Variants in GADL1 observed in about 807,000 individuals in gnomAD.
GADL1 encodes GAD like acidic amino acid decarboxylase 1, also known as acidic amino acid decarboxylase GADL1.
Under a neutral mutation model 69.5 loss-of-function variants are expected in GADL1, and 71 were observed. That is an observed-to-expected ratio of 1.02 (90% CI 0.84 to 1.25). GADL1 has a LOEUF of 1.25. Ranked by LOEUF, GADL1 falls within the 50% of genes most tolerant of loss-of-function variation. The pLI is 0.00. For missense variants in GADL1, 737 were observed against 631.8 expected, an observed-to-expected ratio of 1.17 and a Z score of -1.79; for synonymous variants, 254 against 214.4, an observed-to-expected ratio of 1.18 and a Z score of -1.62.
chr3:30,893,684 G>A (rs1413675952), intron 1 of GADL1, among the ~76,000 whole-genome samples: 1 of 151,970 alleles, frequency 6.6e-6, no homozygotes, highest in Admixed American at 6.6e-5. Flanking sequence ...CTCTCCCTGG[G>A]ACATTAAAAG....
At chr3:30,863,278 T>G (rs1445725641) in intron 1 of GADL1, among the ~76,000 whole-genome samples, 1 of 151,796 alleles carries the variant, frequency 6.6e-6, no homozygotes, top group African/African-American at 2.4e-5. Context: ...ACATAGAGAG[T>G]GATAGAGGAA....
intron 2 of GADL1, 144 bp from the exon 3 acceptor site, chr3:30,857,285 T>A: frequency 1.5e-6 from 1 of 681,500 alleles, no homozygotes; most frequent in Non-Finnish European, 2.5e-6. Context: ...AAAAGAACTA[T>A]TACAGTAATG....
At position 30,878,303 on chromosome 3, in the gene GADL1, G is replaced by A. The variant is rs151003963; in HGVS notation, c.37+16275C>T. Among the ~76,000 whole-genome samples the A allele has an allele frequency of 5.3e-5, 8 of 151,908 alleles. No individual in the cohort carries two copies. The East Asian group carries it at 1.6e-3, about 30-fold the overall frequency. On this transcript the variant is annotated intron_variant, in intron 1 of 14. Coordinates refer to ENST00000282538, the MANE Select transcript of GADL1 (RefSeq NM_207359.3). ...TCACATTCTACCATTTCTAAAAGTGGTCCTTATTAGTGCTCTTCAGAACCA... is the reference window on the plus strand; with the variant it reads ...TCACATTCTACCATTTCTAAAAGTGATCCTTATTAGTGCTCTTCAGAACCA...
Position 30,865,023 on chromosome 3 carries a change from C to T in GADL1, c.38-3258G>A, listed in dbSNP as rs569305740. On this transcript the variant is annotated intron_variant, in intron 1 of 14. Transcript: ENST00000282538. ...GACTCCTCATCAAACTAAAAGCTAA[C>T]ATCCTTCTAATAACCTCAAAGGCCC... is the stretch of plus-strand genomic sequence containing the variant. Among the ~76,000 whole-genome samples, 4 of 152,068 alleles carry T rather than the reference C, an allele frequency of 2.6e-5. No homozygotes were observed. In the South Asian group the frequency reaches 8.3e-4, roughly 32 times the overall value.
chr3:30,886,865 G>C (rs1698717804), intron 1 of GADL1, among the ~76,000 whole-genome samples: 1 of 152,180 alleles, frequency 6.6e-6, no homozygotes, highest in Non-Finnish European at 1.5e-5. Context: ...GTACATTGGA[G>C]CTTCGGTCAC....
At chr3:30,756,039 G>C (rs770086047) in intron 14 of GADL1, among the ~76,000 whole-genome samples, 13 of 152,066 alleles carry the variant, frequency 8.5e-5, no homozygotes, top group Non-Finnish European at 1.3e-4. Context: ...CCTTGGGACT[G>C]TGCAGGAGAC....
intron 1 of GADL1, among the ~76,000 whole-genome samples, chr3:30,882,478 G>A (rs1030145360): frequency 3.2e-4 from 48 of 151,826 alleles, no homozygotes; most frequent in African/African-American, 1.1e-3. Context: ...TGTGATGAAG[G>A]TTTATCTACA....
intron 11 of GADL1, among the ~76,000 whole-genome samples, chr3:30,803,267 T>G (rs1697196138): frequency 1.3e-5 from 2 of 152,206 alleles, no homozygotes; most frequent in Admixed American, 6.5e-5. Flanking sequence ...CAGTTGCCAC[T>G]GCTGCATCTC....
At chr3:30,832,913 T>TG (rs1697815461) in intron 11 of GADL1, among the ~76,000 whole-genome samples, 1 of 123,474 alleles carries the variant, frequency 8.1e-6, no homozygotes, top group South Asian at 2.6e-4. Flanking sequence ...TAGTTTCTGA[T>TG]GGACAGTCTG....
intron 14 of GADL1, among the ~76,000 whole-genome samples, chr3:30,776,686 G>A (rs993493979): frequency 2.6e-5 from 4 of 152,208 alleles, no homozygotes; most frequent in Non-Finnish European, 5.9e-5. Context: ...TGCCAAGTGA[G>A]GCAATCAGTG....
In GADL1 at chr3:30,818,593, TAC is replaced by T. The variant is rs535744463; in HGVS notation, c.1050+15258_1050+15259del. Among the ~76,000 whole-genome samples, 658 of 152,272 alleles carry T rather than the reference TAC, an allele frequency of 4.3e-3. 8 individuals are homozygous for T. Among genetic ancestry groups the T allele is most frequent in the African/African-American group, 0.015 (624 of 41,562 alleles). ...AAGAGTTGCCAGTTAAAATACAAAA[TAC>T]CTCATTAAATTTGAATTTCAAGCAC... On this transcript the variant is annotated intron_variant, in intron 11 of 14. Coordinates refer to ENST00000282538, the MANE Select transcript of GADL1 (RefSeq NM_207359.3).
chr3:30,834,866 G>A (rs1472248928), intron 9 of GADL1, among the ~76,000 whole-genome samples: 1 of 152,120 alleles, frequency 6.6e-6, no homozygotes, highest in Non-Finnish European at 1.5e-5. Context: ...GTGAGCAAAG[G>A]AGAGGGGAGC....
In GADL1 at chr3:30,727,600, C is replaced by T. The variant is rs1352796958; in HGVS notation, c.*642G>A. The T allele has an allele frequency of 1.3e-5, 2 of 151,980 alleles. No individual in the cohort carries two copies. The highest frequency in any genetic ancestry group is 2.4e-5 in the African/African-American group (1 of 41,368). The allele number at this position is 151,980 out of a possible 1,614,324, so 9.4% of individuals were successfully genotyped here. On this transcript the variant is annotated 3_prime_UTR_variant, in exon 15 of 15. Transcript: ENST00000282538. The stretch of plus-strand genomic sequence containing the variant: ...TCCTTAAATATTTGTGCTGCAGATG[C>T]CATAGTTGTATTTTTTCAAAGACTG...
At chr3:30,734,242 GT>G (rs1321935171) in intron 14 of GADL1, among the ~76,000 whole-genome samples, 1 of 152,066 alleles carries the variant, frequency 6.6e-6, no homozygotes, top group East Asian at 1.9e-4. Flanking sequence ...TTCAATTTTT[GT>G]TTAAGTATAT....
chr3:30,885,240 A>T (rs1698687757), intron 1 of GADL1, among the ~76,000 whole-genome samples: 1 of 152,070 alleles, frequency 6.6e-6, no homozygotes, highest in Non-Finnish European at 1.5e-5. Context: ...CTATATTTTT[A>T]ATTAATTTCC....
intron 14 of GADL1, among the ~76,000 whole-genome samples, chr3:30,776,996 C>T (rs1015649517): frequency 1.3e-5 from 2 of 152,084 alleles, no homozygotes; most frequent in African/African-American, 4.8e-5. Flanking sequence ...GGGTAGATAC[C>T]CTTTCTCTCT....
chr3:30,727,756 C>T lies in GADL1; in HGVS notation c.*486G>A, dbSNP rs73056820. The T allele has an allele frequency of 2.6e-5, 4 of 152,382 alleles. No homozygotes were observed. Among genetic ancestry groups the T allele is most frequent in the Non-Finnish European group, 4.4e-5 (3 of 68,118 alleles). 9.4% of individuals were successfully genotyped at this position (152,382 alleles called of 1,614,324 possible). On this transcript the variant is annotated 3_prime_UTR_variant, in exon 15 of 15. Transcript: ENST00000282538. ...CTGTGCATCAGAATTCCCTGACGGG[C>T]TTGTTAAAACACAGAATACTGGGCC...
intron 4 of GADL1, 42 bp from the exon 5 acceptor site, chr3:30,850,983 CA>C (rs1428945373): frequency 1.7e-6 from 2 of 1,163,236 alleles, no homozygotes; most frequent in Non-Finnish European, 2.5e-6. Context: ...TGACTAGAGT[CA>C]AAACATTCCT....
chr3:30,753,290 CATTT>C (rs1042538934), intron 14 of GADL1, among the ~76,000 whole-genome samples: 14 of 151,786 alleles, frequency 9.2e-5, no homozygotes, highest in Admixed American at 3.9e-4. Context: ...TGTTTTCTGA[CATTT>C]ATTCCTTTGA....
Sources: gnomAD v4.1 joint callset for allele counts (sites outside exome capture counted in the v4.1 genomes callset) on GRCh38, gnomAD v4.1.1 for gene constraint, MANE v1.5 for transcripts, NCBI Gene and HGNC (gene_info 2026-07-23, HGNC 2026-07-21) for gene names.